The following MICU3 variants were observed in gnomAD, a reference collection of about 807,000 sequenced individuals.
The protein encoded by MICU3 is calcium uptake protein 3, mitochondrial.
MICU3 carries 62 observed loss-of-function variants against 66.5 expected under a neutral mutation model. That is an observed-to-expected ratio of 0.93 (90% CI 0.76 to 1.15). The LOEUF (loss-of-function observed/expected upper bound fraction) is 1.15. Among genes scored for constraint, MICU3 ranks in the 50% most tolerant of loss-of-function variants. The pLI, the probability that MICU3 is intolerant of heterozygous loss-of-function variation, is 0.00. For synonymous variants in MICU3, 308 were observed against 240.7 expected, an observed-to-expected ratio of 1.28 and a Z score of -2.59; for missense variants, 779 against 664.4, an observed-to-expected ratio of 1.17 and a Z score of -1.90.
chr8:17,119,843 C>G (rs1803057353), intron 14 of MICU3, among the ~76,000 whole-genome samples: 1 of 152,076 alleles, frequency 6.6e-6, no homozygotes, highest in South Asian at 2.1e-4. Context: ...GGCAAGCAGG[C>G]TTACTTATTT....
chr8:17,045,323 A>G (rs541174549), intron 1 of MICU3, among the ~76,000 whole-genome samples: 2 of 152,282 alleles, frequency 1.3e-5, no homozygotes, highest in Admixed American at 6.5e-5. Flanking sequence ...ATTGAAGATC[A>G]TAAGACTTTC....
At chr8:17,077,527 G>A (rs529825014) in intron 3 of MICU3, among the ~76,000 whole-genome samples, 21 of 152,138 alleles carry the variant, frequency 1.4e-4, no homozygotes, top group East Asian at 5.8e-4. Flanking sequence ...ATAACCTCCC[G>A]TTATTCAACT....
At chr8:17,050,545 C>G (rs990636154) in intron 1 of MICU3, among the ~76,000 whole-genome samples, 1 of 152,060 alleles carries the variant, frequency 6.6e-6, no homozygotes, top group Non-Finnish European at 1.5e-5. Flanking sequence ...TTACTCAGAT[C>G]CTTTTTCTTA....
At chr8:17,134,431 TTTTGTTTGTTTG>T in the MICU3 span, among the ~76,000 whole-genome samples, 3 of 148,618 alleles carry the variant, frequency 2.0e-5, no homozygotes, top group African/African-American at 5.0e-5. Flanking sequence ...AAAGTCAGCC[TTTTGTTTGTTTG>T]TTTGTTTGTT....
At chr8:17,064,642 T>C (rs1384901813) in intron 2 of MICU3, among the ~76,000 whole-genome samples, 2 of 152,160 alleles carry the variant, frequency 1.3e-5, no homozygotes, top group Admixed American at 6.5e-5. Context: ...TTTCATTGTC[T>C]CTCACCTTTT....
chr8:17,041,499 G>A (rs1814085154), intron 1 of MICU3, among the ~76,000 whole-genome samples: 1 of 152,144 alleles, frequency 6.6e-6, no homozygotes, highest in Admixed American at 6.5e-5. Context: ...TGAAGAAAAG[G>A]TAAAGTGGAC....
At chr8:17,045,553 G>A (rs535601719) in intron 1 of MICU3, among the ~76,000 whole-genome samples, 8 of 152,196 alleles carry the variant, frequency 5.3e-5, no homozygotes, top group Non-Finnish European at 1.0e-4. Flanking sequence ...ACCCAAGAGG[G>A]CAGAGTTTGG....
rs1819699696 is a variant in MICU3 at position 17,072,268 on chromosome 8, T to C, written c.567+2549T>C. Among the ~76,000 whole-genome samples, 4 of 152,138 alleles carry C rather than the reference T, an allele frequency of 2.6e-5. 1 individual carries two copies. The South Asian group carries it at 8.3e-4, about 31-fold the overall frequency. ...ACAGATCCAGGTATATATAGGTAGA[T>C]CTGTAAATCAGTGGCAGAAAGATTG... On this transcript the variant is annotated intron_variant, in intron 3 of 14. Coordinates refer to ENST00000318063, the MANE Select transcript of MICU3 (RefSeq NM_181723.3).
At position 17,117,659 on chromosome 8, in the gene MICU3, A is replaced by C. The variant is rs541400054; in HGVS notation, c.1525-1048A>C. Among the ~76,000 whole-genome samples, 631 of 136,410 alleles carry C rather than the reference A, an allele frequency of 4.6e-3. 7 individuals carry two copies. The highest frequency in any genetic ancestry group is 0.013 in the African/African-American group (463 of 35,372). 89.5% of individuals were successfully genotyped at this position (136,410 alleles called of 152,430 possible). ...AGTCTTGCTCTGTTGCCCAGGCTGG[A>C]GTGCAGTGGCGCAATCTCAGCCCAC... On this transcript the variant is annotated intron_variant, in intron 13 of 14. Coordinates refer to ENST00000318063, the MANE Select transcript of MICU3 (RefSeq NM_181723.3).
At chr8:17,103,658 A>C (rs749776306) in intron 9 of MICU3, among the ~76,000 whole-genome samples, 1 of 151,902 alleles carries the variant, frequency 6.6e-6, no homozygotes, top group African/African-American at 2.4e-5. Flanking sequence ...GATGATTTTC[A>C]TAGGCCATTA....
At chr8:17,082,577 A>G (rs1821358933) in intron 5 of MICU3, among the ~76,000 whole-genome samples, 1 of 152,076 alleles carries the variant, frequency 6.6e-6, no homozygotes, top group South Asian at 2.1e-4. Context: ...TTTTTTGTTC[A>G]TCTCTGTATC....
chr8:17,097,898 A>G (rs1800883777), intron 8 of MICU3, among the ~76,000 whole-genome samples: 2 of 151,794 alleles, frequency 1.3e-5, no homozygotes, highest in Admixed American at 1.3e-4. Context: ...CATTCACAAT[A>G]GAAACACCTG....
At chr8:17,061,949 A>G (rs1444632057) in intron 1 of MICU3, among the ~76,000 whole-genome samples, 1 of 152,184 alleles carries the variant, frequency 6.6e-6, no homozygotes, top group African/African-American at 2.4e-5. Flanking sequence ...TGTTATCAAT[A>G]TACTGCTGAG....
At chr8:17,038,591 A>T (rs1333141549) in intron 1 of MICU3, among the ~76,000 whole-genome samples, 2 of 152,212 alleles carry the variant, frequency 1.3e-5, no homozygotes, top group African/African-American at 4.8e-5. Context: ...GAGAAGTTCT[A>T]CTGTGAGTAA....
intron 2 of MICU3, among the ~76,000 whole-genome samples, chr8:17,067,246 C>T (rs954105836): frequency 2.6e-5 from 4 of 152,054 alleles, no homozygotes; most frequent in African/African-American, 7.2e-5. Context: ...TGTGTTTAAA[C>T]CTTGGCATTT....
chr8:17,088,236 A>G (rs542839436), intron 7 of MICU3, among the ~76,000 whole-genome samples: 1 of 152,082 alleles, frequency 6.6e-6, no homozygotes, highest in East Asian at 1.9e-4. Flanking sequence ...GACAAAGCTT[A>G]TGGAAGACAG....
At chr8:17,040,542 C>T (rs766819143) in intron 1 of MICU3, among the ~76,000 whole-genome samples, 1 of 152,038 alleles carries the variant, frequency 6.6e-6, no homozygotes, top group Non-Finnish European at 1.5e-5. Context: ...GATACTGAGT[C>T]GTAGTAGCTT....
At chr8:17,070,224 C>A (rs909578099) in intron 3 of MICU3, among the ~76,000 whole-genome samples, 2 of 151,512 alleles carry the variant, frequency 1.3e-5, no homozygotes, top group African/African-American at 4.9e-5. Context: ...ATATGATGGC[C>A]CCAAAACTTT....
chr8:17,056,562 C>T (rs745399911), intron 1 of MICU3, among the ~76,000 whole-genome samples: 2 of 152,074 alleles, frequency 1.3e-5, no homozygotes, highest in Non-Finnish European at 2.9e-5. Context: ...GAGACAAATA[C>T]GTAAACAGAT....
Sources: allele counts gnomAD v4.1 joint callset (sites outside exome capture counted in the v4.1 genomes callset), GRCh38; gene constraint gnomAD v4.1.1; transcripts MANE v1.5; gene names NCBI Gene and HGNC (gene_info 2026-07-23, HGNC 2026-07-21).